ZNF569: variants seen among roughly 807,000 people sequenced by gnomAD.
ZNF569 encodes the protein DNA-binding protein.
ZNF569 carries 38 observed loss-of-function variants against 56.3 expected under a neutral mutation model. The ratio of observed to expected loss-of-function variants is 0.68; its 90% CI spans 0.52 to 0.88. The LOEUF (loss-of-function observed/expected upper bound fraction) is 0.88. Among genes scored for constraint, ZNF569 ranks in the 40% least tolerant of loss-of-function variants. ZNF569 has a pLI of 0.00. For synonymous variants in ZNF569, 241 were observed against 262.9 expected, an observed-to-expected ratio of 0.92 and a Z score of 0.81; for missense variants, 666 against 809.2, an observed-to-expected ratio of 0.82 and a Z score of 2.15.
intron 2 of ZNF569, among the ~76,000 whole-genome samples, chr19:37,456,257 A>G (rs955920672): frequency 3.3e-4 from 50 of 152,078 alleles, no homozygotes; most frequent in African/African-American, 1.2e-3. Flanking sequence ...CATTAATCGC[A>G]CTGAGCTTTT....
chr19:37,424,753 T>A (rs181198187), intron 5 of ZNF569, among the ~76,000 whole-genome samples: 1,963 of 142,836 alleles, frequency 0.014, 40 homozygotes, highest in Admixed American at 0.056. Flanking sequence ...GAGCCAGAGG[T>A]TGCAGTGAGC....
intron 2 of ZNF569, 149 bp downstream of exon 2, chr19:37,465,164 A>G (rs2041811158): frequency 6.6e-6 from 1 of 152,152 alleles, no homozygotes; most frequent in Non-Finnish European, 1.5e-5. Context: ...TACTTCCTTC[A>G]TATCTTTATT....
chr19:37,434,299 CAA>C (rs1165065037), intron 3 of ZNF569, among the ~76,000 whole-genome samples: 21 of 71,342 alleles, frequency 2.9e-4, no homozygotes, highest in Admixed American at 4.3e-4. Context: ...GACTCTGTCT[CAA>C]AAAAAAAAAA....
chr19:37,421,258 C>T (rs1002859438), intron 5 of ZNF569, among the ~76,000 whole-genome samples: 1 of 152,112 alleles, frequency 6.6e-6, no homozygotes, highest in Non-Finnish European at 1.5e-5. Context: ...TGCATTAGCC[C>T]ATAACAGGAG....
chr19:37,447,264 G>GGTAAATT (rs1375876308), intron 2 of ZNF569, among the ~76,000 whole-genome samples: 3 of 152,240 alleles, frequency 2.0e-5, no homozygotes, highest in African/African-American at 7.2e-5. Context: ...AGGAAAAGAA[G>GGTAAATT]TCATTACAGG....
At chr19:37,444,539 G>A (rs1218561619) in intron 3 of ZNF569, among the ~76,000 whole-genome samples, 1 of 152,088 alleles carries the variant, frequency 6.6e-6, no homozygotes, top group Non-Finnish European at 1.5e-5. Context: ...AAAGAGCTAG[G>A]TTTATCAACT....
intron 3 of ZNF569, among the ~76,000 whole-genome samples, chr19:37,444,312 T>C (rs2041456789): frequency 6.6e-6 from 1 of 152,218 alleles, no homozygotes; most frequent in Non-Finnish European, 1.5e-5. Context: ...ATATACTTTT[T>C]TGTTTCTGGC....
At chr19:37,459,065 C>T (rs996211076) in intron 2 of ZNF569, among the ~76,000 whole-genome samples, 1 of 152,088 alleles carries the variant, frequency 6.6e-6, no homozygotes, top group Non-Finnish European at 1.5e-5. Context: ...AATATCAAAA[C>T]ATGTATCTAT....
chr19:37,456,967 C>CA (rs560827115), intron 2 of ZNF569, among the ~76,000 whole-genome samples: 22,014 of 113,354 alleles, frequency 0.19, 1,717 homozygotes, highest in Middle Eastern at 0.32. Context: ...GACACCGTCT[C>CA]AAAAAAAAAA....
At chr19:37,435,679 GA>G (rs1345566010) in intron 3 of ZNF569, among the ~76,000 whole-genome samples, 1 of 152,060 alleles carries the variant, frequency 6.6e-6, no homozygotes, top group East Asian at 1.9e-4. Flanking sequence ...CATGCAAATG[GA>G]AACCAAAAAA....
intron 3 of ZNF569, among the ~76,000 whole-genome samples, chr19:37,439,862 G>A (rs991020294): frequency 3.3e-5 from 5 of 152,100 alleles, no homozygotes; most frequent in African/African-American, 7.2e-5. Flanking sequence ...TTAAAACAAC[G>A]GAACTCATGG....
intron 4 of ZNF569, 68 bp from the exon 5 acceptor site, chr19:37,426,031 G>T: frequency 6.5e-7 from 1 of 1,538,432 alleles, no homozygotes; most frequent in Non-Finnish European, 9.0e-7. Flanking sequence ...AAAAATTGAG[G>T]CTGGCCCAGG....
At chr19:37,463,823 A>G (rs939343471) in intron 2 of ZNF569, among the ~76,000 whole-genome samples, 4 of 152,180 alleles carry the variant, frequency 2.6e-5, no homozygotes, top group African/African-American at 9.7e-5. Flanking sequence ...AGCCTAGGCT[A>G]ATATGTTTGT....
At chr19:37,462,928 A>G (rs559104523) in intron 2 of ZNF569, among the ~76,000 whole-genome samples, 1 of 152,238 alleles carries the variant, frequency 6.6e-6, no homozygotes, top group African/African-American at 2.4e-5. Context: ...TGCCAACTTG[A>G]TATCTCCACT....
chr19:37,418,269 T>G (rs1568717296), intron 5 of ZNF569, among the ~76,000 whole-genome samples: 1 of 151,916 alleles, frequency 6.6e-6, no homozygotes, highest in Non-Finnish European at 1.5e-5. Flanking sequence ...AATTGGAACA[T>G]AAAACTGGAG....
intron 2 of ZNF569, among the ~76,000 whole-genome samples, chr19:37,455,518 T>G (rs1405053722): frequency 2.0e-5 from 3 of 152,164 alleles, no homozygotes; most frequent in Non-Finnish European, 2.9e-5. Context: ...TAATAATATA[T>G]ATTTTTTAAC....
intron 3 of ZNF569, among the ~76,000 whole-genome samples, chr19:37,438,896 CTG>C (rs1365267546): frequency 1.3e-5 from 2 of 152,034 alleles, no homozygotes; most frequent in African/African-American, 4.8e-5. Flanking sequence ...GCTCAAATAA[CTG>C]TATATGAAAA....
intron 3 of ZNF569, among the ~76,000 whole-genome samples, chr19:37,433,548 A>G (rs2041259219): frequency 6.6e-6 from 1 of 152,184 alleles, no homozygotes; most frequent in Admixed American, 6.5e-5. Context: ...ACTTCAAGAC[A>G]CTTAATAATC....
intron 3 of ZNF569, among the ~76,000 whole-genome samples, chr19:37,431,288 C>G (rs1600309760): frequency 1.3e-5 from 2 of 152,214 alleles, no homozygotes; most frequent in East Asian, 3.9e-4. Context: ...AGGAGAGACC[C>G]CTTCCTTCCA....
Sources: allele counts gnomAD v4.1 joint callset (sites outside exome capture counted in the v4.1 genomes callset), GRCh38; gene constraint gnomAD v4.1.1; transcripts MANE v1.5; gene names NCBI Gene and HGNC (gene_info 2026-07-23, HGNC 2026-07-21).